The following SLIT3 variants were observed in gnomAD, a reference collection of about 807,000 sequenced individuals.
The protein encoded by SLIT3 is slit homolog 3 protein.
Under a neutral mutation model 184.0 loss-of-function variants are expected in SLIT3, and 68 were observed. That is an observed-to-expected ratio of 0.37 (90% CI 0.30 to 0.45). SLIT3 has a LOEUF of 0.45. Ranked by LOEUF, SLIT3 falls within the 20% of genes least tolerant of loss-of-function variation. The pLI is 1.00. For synonymous variants in SLIT3, 831 were observed against 828.6 expected (o/e 1.00, Z -0.05); for missense variants, 1,707 against 2,026.0 (o/e 0.84, Z 3.02).
At chr5:169,214,012 T>C (rs997123446) in intron 3 of SLIT3, among the ~76,000 whole-genome samples, 1 of 152,258 alleles carries the variant, frequency 6.6e-6, no homozygotes, top group Non-Finnish European at 1.5e-5. Flanking sequence ...ATCCACTTGG[T>C]GGTGAGAGCT....
chr5:169,256,252 C>G (rs146515729), intron 1 of SLIT3, among the ~76,000 whole-genome samples: 214 of 152,278 alleles, frequency 1.4e-3, no homozygotes, highest in African/African-American at 4.9e-3. Context: ...GAGTTCAAGA[C>G]TGGACTGGGC....
intron 16 of SLIT3, among the ~76,000 whole-genome samples, chr5:168,754,876 T>C (rs898463920): frequency 6.6e-6 from 1 of 152,222 alleles, no homozygotes; most frequent in Admixed American, 6.5e-5. Context: ...ATTTTCTGTC[T>C]TCATTAGAGA....
chr5:168,988,217 C>T (rs542122619), intron 4 of SLIT3, among the ~76,000 whole-genome samples: 127 of 152,326 alleles, frequency 8.3e-4, no homozygotes, highest in East Asian at 3.9e-4. Flanking sequence ...AAAATCCTTC[C>T]GTGCTAGGCA....
At chr5:168,797,494 C>T (rs936350156) in intron 9 of SLIT3, among the ~76,000 whole-genome samples, 5 of 152,226 alleles carry the variant, frequency 3.3e-5, no homozygotes, top group Admixed American at 1.3e-4. Context: ...CAGGCTAGCA[C>T]TGGGTGTGAG....
chr5:168,765,997 C>T (rs985106569), intron 14 of SLIT3, among the ~76,000 whole-genome samples: 4 of 152,284 alleles, frequency 2.6e-5, no homozygotes, highest in East Asian at 1.9e-4. Flanking sequence ...ACAGCCACTT[C>T]CCAGGAGGAA....
intron 6 of SLIT3, among the ~76,000 whole-genome samples, chr5:168,842,496 G>T (rs1750582120): frequency 2.9e-5 from 2 of 68,816 alleles, no homozygotes; most frequent in South Asian, 4.3e-4. Flanking sequence ...TTGTATCTGA[G>T]TAGAGGAGAG....
intron 6 of SLIT3, among the ~76,000 whole-genome samples, chr5:168,843,650 C>T (rs1343744100): frequency 2.0e-5 from 3 of 152,318 alleles, no homozygotes; most frequent in South Asian, 4.1e-4. Flanking sequence ...TGGCAGAATC[C>T]GGACTCAACC....
intron 4 of SLIT3, among the ~76,000 whole-genome samples, chr5:169,037,287 C>T (rs1757288946): frequency 6.6e-6 from 1 of 152,206 alleles, no homozygotes; most frequent in Admixed American, 6.5e-5. Context: ...CACTTGGCAG[C>T]TTGGGTAGCT....
At chr5:169,007,254 T>C (rs1030869941) in intron 4 of SLIT3, among the ~76,000 whole-genome samples, 3 of 152,218 alleles carry the variant, frequency 2.0e-5, no homozygotes, top group Non-Finnish European at 4.4e-5. Context: ...ATTTTTTTCC[T>C]TTATAAATGA....
chr5:169,063,076 T>C (rs1247591247), intron 4 of SLIT3, among the ~76,000 whole-genome samples: 2 of 152,220 alleles, frequency 1.3e-5, no homozygotes, highest in African/African-American at 2.4e-5. Flanking sequence ...CTGCCAAGCT[T>C]AACCACGAAG....
chr5:168,786,367 C>T (rs1756154308), intron 11 of SLIT3, among the ~76,000 whole-genome samples: 1 of 152,116 alleles, frequency 6.6e-6, no homozygotes, highest in African/African-American at 2.4e-5. Flanking sequence ...CAGCTTGAGC[C>T]CAGCCTACAG....
intron 4 of SLIT3, among the ~76,000 whole-genome samples, chr5:169,071,601 T>C (rs778838130): frequency 6.6e-6 from 1 of 152,204 alleles, no homozygotes; most frequent in Admixed American, 6.5e-5. Context: ...GTGCTCCATA[T>C]TTCCTCCCAG....
intron 35 of SLIT3, chr5:168,667,879 A>C (rs1430203654): frequency 2.6e-5 from 4 of 152,242 alleles, no homozygotes; most frequent in Non-Finnish European, 5.9e-5. Flanking sequence ...TAACATGGGG[A>C]GAGACAGGGA....
At chr5:168,783,955 G>A (rs1021163116) in intron 12 of SLIT3, among the ~76,000 whole-genome samples, 3 of 152,192 alleles carry the variant, frequency 2.0e-5, no homozygotes, top group African/African-American at 7.2e-5. Flanking sequence ...CCCATGCAAA[G>A]TCCTGTTGGT....
intron 33 of SLIT3, among the ~76,000 whole-genome samples, chr5:168,672,399 C>T (rs367779422): frequency 6.6e-6 from 1 of 152,328 alleles, no homozygotes; most frequent in East Asian, 1.9e-4. Flanking sequence ...TTTTTTTACA[C>T]TTAACCCCTT....
intron 9 of SLIT3, among the ~76,000 whole-genome samples, chr5:168,801,364 A>G (rs902663958): frequency 1.3e-5 from 2 of 152,120 alleles, no homozygotes; most frequent in African/African-American, 4.8e-5. Flanking sequence ...GTAAGAATGG[A>G]ATATTTGCTA....
chr5:168,847,740 C>A (rs1050137337), intron 5 of SLIT3, among the ~76,000 whole-genome samples: 1 of 152,126 alleles, frequency 6.6e-6, no homozygotes, highest in South Asian at 2.1e-4. Context: ...TGGAGTGGAG[C>A]GTTACTAAAC....
intron 16 of SLIT3, among the ~76,000 whole-genome samples, chr5:168,758,796 G>A (rs1228279534): frequency 6.6e-6 from 1 of 152,184 alleles, no homozygotes; most frequent in African/African-American, 2.4e-5. Context: ...ATGGGTGGGA[G>A]CATGGGTAAT....
chr5:168,997,637 T>A (rs1755560809), intron 4 of SLIT3, among the ~76,000 whole-genome samples: 1 of 152,118 alleles, frequency 6.6e-6, no homozygotes, highest in African/African-American at 2.4e-5. Context: ...GAGACCTCAG[T>A]GGGCCTGGGT....
Sources: allele counts gnomAD v4.1 joint callset (sites outside exome capture counted in the v4.1 genomes callset), GRCh38; gene constraint gnomAD v4.1.1; transcripts MANE v1.5; gene names NCBI Gene and HGNC (gene_info 2026-07-23, HGNC 2026-07-21).